The following EPHA3 variants were observed in gnomAD, a reference collection of about 807,000 sequenced individuals.
The protein encoded by EPHA3 is EPH receptor A3, also known as ephrin type-A receptor 3.
In EPHA3, 42 loss-of-function variants were observed where a neutral mutation model predicts 107.1. That is an observed-to-expected ratio of 0.39 (90% CI 0.31 to 0.51). The LOEUF (loss-of-function observed/expected upper bound fraction) is 0.51. Among genes scored for constraint, EPHA3 ranks in the 20% least tolerant of loss-of-function variants. EPHA3 has a pLI of 0.78. For synonymous variants in EPHA3, 461 were observed against 424.8 expected, an observed-to-expected ratio of 1.09 and a Z score of -1.05; for missense variants, 1,183 against 1,211.2, an observed-to-expected ratio of 0.98 and a Z score of 0.35.
chr3:89,188,901 G>A (rs1287265095), intron 2 of EPHA3, among the ~76,000 whole-genome samples: 1 of 152,126 alleles, frequency 6.6e-6, no homozygotes, highest in Admixed American at 6.5e-5. Context: ...ACTTGAGACT[G>A]CTATTTGTTT....
At chr3:89,329,905 G>T (rs1329788880) in intron 3 of EPHA3, among the ~76,000 whole-genome samples, 1 of 151,410 alleles carries the variant, frequency 6.6e-6, no homozygotes, top group Non-Finnish European at 1.5e-5. Flanking sequence ...ACTTTATAGA[G>T]GCAAGTTTTT....
chr3:89,355,115 T>C (rs999966140), intron 5 of EPHA3, among the ~76,000 whole-genome samples: 4 of 148,188 alleles, frequency 2.7e-5, no homozygotes, highest in African/African-American at 5.1e-5. Context: ...TTATAACAAA[T>C]TGACAAAAAA....
intron 8 of EPHA3, 78 bp from the exon 9 acceptor site, chr3:89,407,989 G>C: frequency 1.5e-6 from 2 of 1,304,884 alleles, no homozygotes; most frequent in South Asian, 2.6e-5. Flanking sequence ...TTATTTTTAT[G>C]CTTTGCACAT....
chr3:89,222,470 G>T (rs1704402832), intron 3 of EPHA3, among the ~76,000 whole-genome samples: 1 of 147,512 alleles, frequency 6.8e-6, no homozygotes, highest in Non-Finnish European at 1.5e-5. Flanking sequence ...TATGTATATA[G>T]ACATAAAATG....
chr3:89,188,137 T>C (rs1436396244), intron 2 of EPHA3, among the ~76,000 whole-genome samples: 1 of 152,222 alleles, frequency 6.6e-6, no homozygotes, highest in Admixed American at 6.5e-5. Flanking sequence ...AATAAATGGA[T>C]ACATTCTTGT....
At chr3:89,360,630 G>C (rs575199074) in intron 5 of EPHA3, among the ~76,000 whole-genome samples, 5 of 150,918 alleles carry the variant, frequency 3.3e-5, no homozygotes, top group Non-Finnish European at 7.4e-5. Flanking sequence ...TACCACCCTA[G>C]TAGCATCATC....
intron 2 of EPHA3, among the ~76,000 whole-genome samples, chr3:89,186,550 G>T (rs1457191651): frequency 6.6e-6 from 1 of 152,038 alleles, no homozygotes. Context: ...AGTATTTTCT[G>T]ATGTTTATTA....
chr3:89,400,156 T>G (rs148110585), intron 7 of EPHA3: 513 of 720,520 alleles, frequency 7.1e-4, no homozygotes, highest in South Asian at 8.4e-4. Context: ...TGAGTAGAAG[T>G]TAATGATTTT....
At chr3:89,343,732 C>G (rs1392855289) in intron 5 of EPHA3, among the ~76,000 whole-genome samples, 1 of 152,100 alleles carries the variant, frequency 6.6e-6, no homozygotes, top group African/African-American at 2.4e-5. Flanking sequence ...GATAAGTAAA[C>G]TTAATTTGTG....
chr3:89,385,442 T>C (rs1393466048), intron 5 of EPHA3, among the ~76,000 whole-genome samples: 2 of 152,200 alleles, frequency 1.3e-5, no homozygotes. Flanking sequence ...GATAGTTTTA[T>C]AAGGATCTTT....
chr3:89,213,923 T>A (rs1704165932), intron 3 of EPHA3, among the ~76,000 whole-genome samples: 1 of 152,000 alleles, frequency 6.6e-6, no homozygotes, highest in Admixed American at 6.6e-5. Context: ...ATACATCCAT[T>A]GTTTTTCCAA....
intron 3 of EPHA3, among the ~76,000 whole-genome samples, chr3:89,253,298 A>G (rs1397489192): frequency 2.0e-5 from 3 of 152,128 alleles, no homozygotes; most frequent in African/African-American, 4.8e-5. Context: ...ATATGTTTAT[A>G]TTTGGGAAAC....
chr3:89,288,538 A>T (rs1039940041), intron 3 of EPHA3, among the ~76,000 whole-genome samples: 1 of 152,116 alleles, frequency 6.6e-6, no homozygotes, highest in Admixed American at 6.6e-5. Context: ...CTATTACTGC[A>T]TGGTTTTCAG....
intron 3 of EPHA3, among the ~76,000 whole-genome samples, chr3:89,217,239 A>C (rs1254523924): frequency 3.9e-5 from 6 of 152,176 alleles, no homozygotes; most frequent in Admixed American, 3.3e-4. Context: ...GTGCTCTTAA[A>C]GAAAGAGCCT....
intron 13 of EPHA3, among the ~76,000 whole-genome samples, chr3:89,447,910 C>T (rs1394306616): frequency 6.6e-6 from 1 of 152,126 alleles, no homozygotes; most frequent in East Asian, 1.9e-4. Flanking sequence ...CACTTCAAAT[C>T]CAGTGGCATG....
At chr3:89,114,526 G>A (rs909741627) in intron 1 of EPHA3, among the ~76,000 whole-genome samples, 1 of 152,180 alleles carries the variant, frequency 6.6e-6, no homozygotes, top group African/African-American at 2.4e-5. Flanking sequence ...GGAGGCCAGT[G>A]GGTTCTTTGT....
At chr3:89,121,540 TGAGGTCAA>T (rs1360382336) in intron 1 of EPHA3, among the ~76,000 whole-genome samples, 3 of 151,986 alleles carry the variant, frequency 2.0e-5, no homozygotes, top group Non-Finnish European at 4.4e-5. Flanking sequence ...GTGCGGATCA[TGAGGTCAA>T]GAGATCGAGA....
chr3:89,436,452 A>AT (rs1709671947), intron 13 of EPHA3, among the ~76,000 whole-genome samples: 1 of 152,220 alleles, frequency 6.6e-6, no homozygotes, highest in South Asian at 2.1e-4. Flanking sequence ...TGGTGCCTCA[A>AT]TGCAATGACC....
At chr3:89,243,371 A>G (rs987288448) in intron 3 of EPHA3, among the ~76,000 whole-genome samples, 17 of 152,186 alleles carry the variant, frequency 1.1e-4, no homozygotes, top group Non-Finnish European at 1.9e-4. Flanking sequence ...AGTCCCACCA[A>G]CAGTGTAAAA....
Sources: gnomAD v4.1 joint callset for allele counts (sites outside exome capture counted in the v4.1 genomes callset) on GRCh38, gnomAD v4.1.1 for gene constraint, MANE v1.5 for transcripts, NCBI Gene and HGNC (gene_info 2026-07-23, HGNC 2026-07-21) for gene names.